The following PLCG2 variants were observed in gnomAD, a reference collection of about 807,000 sequenced individuals.
The protein encoded by PLCG2 is phospholipase C gamma 2.
Under a neutral mutation model 175.6 loss-of-function variants are expected in PLCG2, and 69 were observed. That is an observed-to-expected ratio of 0.39 (90% CI 0.32 to 0.48). The LOEUF is 0.48. Ranked by LOEUF, PLCG2 falls within the 20% of genes least tolerant of loss-of-function variation. The pLI, the probability that PLCG2 is intolerant of heterozygous loss-of-function variation, is 0.91. For missense variants in PLCG2, 1,798 were observed against 1,650.9 expected, an observed-to-expected ratio of 1.09 and a Z score of -1.54; for synonymous variants, 827 against 624.0, an observed-to-expected ratio of 1.33 and a Z score of -4.85.
At chr16:81,905,585 G>C in intron 15 of PLCG2, 78 bp downstream of exon 15, 3 of 878,550 alleles carry the variant, frequency 3.4e-6, no homozygotes, top group Non-Finnish European at 5.7e-6. Context: ...TGGGAGCTCT[G>C]AGAATACGCC....
chr16:81,893,636 C>G, intron 11 of PLCG2, 73 bp from the exon 12 acceptor site: 1 of 873,476 alleles, frequency 1.1e-6, no homozygotes, highest in South Asian at 1.3e-5. Context: ...CCCACAACAC[C>G]CTGAGGTGCA....
intron 21 of PLCG2, 135 bp from the exon 22 acceptor site, chr16:81,923,350 A>C: frequency 1.7e-6 from 1 of 594,616 alleles, no homozygotes; most frequent in South Asian, 2.1e-5. Context: ...GTCCCTCTCC[A>C]GCAGATGACT....
At chr16:81,849,157 C>A (rs1239248014) in intron 2 of PLCG2, among the ~76,000 whole-genome samples, 1 of 152,050 alleles carries the variant, frequency 6.6e-6, no homozygotes, top group African/African-American at 2.4e-5. Context: ...TGGGACGTCA[C>A]GGGAAGGCTT....
chr16:81,750,713 G>A (rs1355295620), intron 1 of PLCG2, among the ~76,000 whole-genome samples: 2 of 103,650 alleles, frequency 1.9e-5, no homozygotes, highest in African/African-American at 7.1e-5. Flanking sequence ...TTTTGCCCAG[G>A]CTGGAGTGCA....
In PLCG2 at chr16:81,958,161, G is replaced by A. The variant is rs1911650977; in HGVS notation, c.*163G>A. 3.3e-6 allele frequency: 2 copies of A among 599,668 alleles called. No individual in the cohort carries two copies. Among genetic ancestry groups the A allele is most frequent in the South Asian group, 2.2e-5 (1 of 45,286 alleles). 37.1% of individuals were successfully genotyped at this position (599,668 alleles called of 1,614,324 possible). On this transcript the variant is annotated 3_prime_UTR_variant, in exon 33 of 33. Coordinates refer to ENST00000564138, the MANE Select transcript of PLCG2 (RefSeq NM_002661.5). ...TAAGACCCAACTGGCATGAGTTGGGGTAATTTCCTATTATTTTCATCTTGG... is the reference window on the plus strand; with the variant it reads ...TAAGACCCAACTGGCATGAGTTGGGATAATTTCCTATTATTTTCATCTTGG...
chr16:81,854,354 C>T, intron 2 of PLCG2, 90 bp from the exon 3 acceptor site: 5 of 1,205,210 alleles, frequency 4.1e-6, no homozygotes, highest in Non-Finnish European at 2.4e-6. Context: ...AAGGAAGGAG[C>T]CAGGCTGTGC....
chr16:81,935,835 C>T (rs1208590307), intron 26 of PLCG2: 1 of 985,156 alleles, frequency 1.0e-6, no homozygotes, highest in Non-Finnish European at 1.2e-6. Context: ...CTTCTCCTAC[C>T]CAAAACCATT....
chr16:81,873,532 G>T (rs962227694), intron 7 of PLCG2, among the ~76,000 whole-genome samples: 7 of 151,962 alleles, frequency 4.6e-5, no homozygotes, highest in African/African-American at 1.7e-4. Context: ...ATTTACTCAA[G>T]ATAAGTAGTT....
At chr16:81,752,291 A>T (rs897981532) in intron 1 of PLCG2, among the ~76,000 whole-genome samples, 12 of 152,094 alleles carry the variant, frequency 7.9e-5, no homozygotes, top group Non-Finnish European at 1.3e-4. Context: ...CAGCTTCCCC[A>T]GGTGGAAGGT....
At chr16:81,785,844 T>A in intron 1 of PLCG2, 99 bp from the exon 2 acceptor site, 1 of 710,158 alleles carries the variant, frequency 1.4e-6, no homozygotes, top group Non-Finnish European at 2.4e-6. Context: ...CTCATCCTGA[T>A]TGACATGAGA....
chr16:81,791,877 G>A (rs1344342781), intron 2 of PLCG2, among the ~76,000 whole-genome samples: 1 of 152,118 alleles, frequency 6.6e-6, no homozygotes, highest in African/African-American at 2.4e-5. Context: ...AGCTGGGACT[G>A]TTGACCAAAC....
intron 31 of PLCG2, among the ~76,000 whole-genome samples, chr16:81,955,705 A>C (rs1463959495): frequency 6.6e-6 from 1 of 152,176 alleles, no homozygotes; most frequent in African/African-American, 2.4e-5. Context: ...CTTTCAGCTG[A>C]TCCCAAGAAA....
intron 2 of PLCG2, among the ~76,000 whole-genome samples, chr16:81,828,201 T>C (rs2143370002): frequency 6.7e-6 from 1 of 149,166 alleles, no homozygotes; most frequent in East Asian, 2.0e-4. Context: ...GGCCAACAAC[T>C]TGTGAAGTCT....
intron 2 of PLCG2, among the ~76,000 whole-genome samples, chr16:81,828,636 G>A (rs929518804): frequency 6.6e-6 from 1 of 152,030 alleles, no homozygotes; most frequent in African/African-American, 2.4e-5. Context: ...GTCAGCAGAG[G>A]GTCTTGAGAA....
chr16:81,959,147 A>G lies in PLCG2; in HGVS notation c.*1149A>G, dbSNP rs1301654808. On this transcript the variant is annotated 3_prime_UTR_variant, in exon 33 of 33. Transcript: ENST00000564138. Reference sequence around the variant, plus strand: ...AAGGGAGGTGGTTGGTAGAGTCACAACTTCTCAATGAGTGAATTTACAGCT... The same window carrying G: ...AAGGGAGGTGGTTGGTAGAGTCACAGCTTCTCAATGAGTGAATTTACAGCT... The G allele has an allele frequency of 8.9e-6, 2 of 224,320 alleles. No homozygotes were observed. Among genetic ancestry groups the G allele is most frequent in the African/African-American group, 2.2e-5 (1 of 44,862 alleles). The allele number at this position is 224,320 out of a possible 1,614,324, so 13.9% of individuals were successfully genotyped here. A position where few individuals can be genotyped will look rare whatever the true frequency, so the allele number is the denominator to read the frequency against.
At chr16:81,778,038 A>C (rs866682968), upstream of PLCG2, among the ~76,000 whole-genome samples, 4,808 of 81,648 alleles carry the variant, frequency 0.059, 434 homozygotes, top group South Asian at 0.15. Flanking sequence ...AAAACAAAAA[A>C]AAAACAAAAA....
At chr16:81,908,748 G>A (rs1485763168) in intron 17 of PLCG2, among the ~76,000 whole-genome samples, 157 bp downstream of exon 17, 1 of 152,216 alleles carries the variant, frequency 6.6e-6, no homozygotes, top group East Asian at 1.9e-4. Flanking sequence ...CAAGGGTGAG[G>A]TGGGTATGAC....
At chr16:81,751,848 C>A (rs1269554953) in intron 1 of PLCG2, among the ~76,000 whole-genome samples, 1 of 151,920 alleles carries the variant, frequency 6.6e-6, no homozygotes, top group African/African-American at 2.4e-5. Flanking sequence ...ATGGTGAAAT[C>A]TTGTCTCTAC....
chr16:81,761,147 T>G (rs961765008), intron 2 of PLCG2, among the ~76,000 whole-genome samples: 8 of 152,186 alleles, frequency 5.3e-5, no homozygotes, highest in African/African-American at 1.9e-4. Context: ...TCCTCCCACC[T>G]TAGCCTCCCA....
Sources: gnomAD v4.1 joint callset for allele counts (sites outside exome capture counted in the v4.1 genomes callset) on GRCh38, gnomAD v4.1.1 for gene constraint, MANE v1.5 for transcripts, NCBI Gene and HGNC (gene_info 2026-07-23, HGNC 2026-07-21) for gene names.